ST6GALNAC3: variants seen among roughly 807,000 people sequenced by gnomAD.
ST6GALNAC3 encodes the protein alpha-N-acetylgalactosaminide alpha-2,6-sialyltransferase 3.
A neutral mutation model predicts 32.7 loss-of-function variants in ST6GALNAC3; 25 were observed. That is an observed-to-expected ratio of 0.76 (90% CI 0.56 to 1.07). The LOEUF (loss-of-function observed/expected upper bound fraction) is 1.07, where lower values mean the gene tolerates loss of function less well. Ranked by LOEUF, ST6GALNAC3 falls within the 50% of genes least tolerant of loss-of-function variation. ST6GALNAC3 has a pLI of 0.00. For synonymous variants in ST6GALNAC3, 129 were observed against 133.1 expected (o/e 0.97, Z 0.21); for missense variants, 355 against 382.4 (o/e 0.93, Z 0.60).
chr1:76,299,270 A>G (rs1660590341), intron 1 of ST6GALNAC3, among the ~76,000 whole-genome samples: 1 of 152,038 alleles, frequency 6.6e-6, no homozygotes, highest in Non-Finnish European at 1.5e-5. Context: ...CTGTGGTTAA[A>G]GCAGATGAAC....
intron 3 of ST6GALNAC3, among the ~76,000 whole-genome samples, chr1:76,532,694 G>T (rs969005849): frequency 6.6e-6 from 1 of 152,114 alleles, no homozygotes; most frequent in Non-Finnish European, 1.5e-5. Context: ...TGCCTAAAAT[G>T]ATAAATAAAA....
chr1:76,244,602 A>C (rs1657152815), intron 1 of ST6GALNAC3, among the ~76,000 whole-genome samples: 1 of 150,964 alleles, frequency 6.6e-6, no homozygotes, highest in Admixed American at 6.6e-5. Context: ...AATAGCTTTT[A>C]TTGAGATACG....
At chr1:76,478,359 T>C (rs1487067274) in intron 3 of ST6GALNAC3, among the ~76,000 whole-genome samples, 1 of 152,236 alleles carries the variant, frequency 6.6e-6, no homozygotes, top group Non-Finnish European at 1.5e-5. Context: ...GTGGACTACC[T>C]GTCCTGAACG....
At chr1:76,210,641 T>C (rs1213194519) in intron 1 of ST6GALNAC3, among the ~76,000 whole-genome samples, 2 of 152,246 alleles carry the variant, frequency 1.3e-5, no homozygotes, top group African/African-American at 4.8e-5. Flanking sequence ...TTCGCATGTT[T>C]GCTTTCTCCT....
At chr1:76,243,576 A>G (rs754577603) in intron 1 of ST6GALNAC3, among the ~76,000 whole-genome samples, 29 of 152,020 alleles carry the variant, frequency 1.9e-4, no homozygotes, top group Non-Finnish European at 4.0e-4. Flanking sequence ...TAGGTTTTTT[A>G]TGGTTTGGGG....
Position 76,356,561 on chromosome 1 carries a change from A to AG in ST6GALNAC3, c.213+42563dup, listed in dbSNP as rs574427036. ...ATTTGTTAATGTTGTTATGAGGAAAAGTAAAGGGATGAAAGGCTGCAGTGA... is the reference window on the plus strand; with the variant it reads ...ATTTGTTAATGTTGTTATGAGGAAAAGGTAAAGGGATGAAAGGCTGCAGTGA... On this transcript the variant is annotated intron_variant, in intron 2 of 4. Coordinates refer to ENST00000328299, the MANE Select transcript of ST6GALNAC3 (RefSeq NM_152996.4). Among the ~76,000 whole-genome samples, 1,035 of 152,246 alleles carry AG rather than the reference A, an allele frequency of 6.8e-3. 7 individuals are homozygous for AG. Among genetic ancestry groups the AG allele is most frequent in the African/African-American group, 0.024 (1,012 of 41,522 alleles).
chr1:76,151,133 C>T (rs556234694), intron 1 of ST6GALNAC3, among the ~76,000 whole-genome samples: 20 of 152,178 alleles, frequency 1.3e-4, no homozygotes, highest in African/African-American at 4.8e-4. Flanking sequence ...TTGGTTCTCA[C>T]GGGGAAGAGG....
At chr1:76,280,075 C>T (rs1456721556) in intron 1 of ST6GALNAC3, among the ~76,000 whole-genome samples, 1 of 152,006 alleles carries the variant, frequency 6.6e-6, no homozygotes, top group Non-Finnish European at 1.5e-5. Flanking sequence ...TTCCTTCTCC[C>T]TCCACTTCTC....
At chr1:76,386,949 C>G (rs1273118479) in intron 2 of ST6GALNAC3, among the ~76,000 whole-genome samples, 1 of 152,042 alleles carries the variant, frequency 6.6e-6, no homozygotes. Context: ...CCTCACTTAC[C>G]CATACTGGGA....
chr1:76,075,980 C>A (rs1557592698), intron 1 of ST6GALNAC3, among the ~76,000 whole-genome samples: 1 of 152,160 alleles, frequency 6.6e-6, no homozygotes, highest in Non-Finnish European at 1.5e-5. Flanking sequence ...TGCCTGGTGT[C>A]AATGATGAAA....
At chr1:76,564,575 ATTTT>A (rs200008546) in intron 3 of ST6GALNAC3, among the ~76,000 whole-genome samples, 1 of 126,268 alleles carries the variant, frequency 7.9e-6, no homozygotes, top group African/African-American at 3.2e-5. Context: ...TGAATGCAGC[ATTTT>A]TTTTTTTTTT....
chr1:76,109,221 AAG>A (rs1263980256), intron 1 of ST6GALNAC3, among the ~76,000 whole-genome samples: 1 of 152,132 alleles, frequency 6.6e-6, no homozygotes, highest in Non-Finnish European at 1.5e-5. Flanking sequence ...CAGGTTACAA[AAG>A]AGTAGATAAA....
At chr1:76,340,814 A>G (rs1292370351) in intron 2 of ST6GALNAC3, among the ~76,000 whole-genome samples, 2 of 152,050 alleles carry the variant, frequency 1.3e-5, no homozygotes, top group Non-Finnish European at 2.9e-5. Flanking sequence ...ACCTCTCAGA[A>G]TCTAGAGCTG....
At chr1:76,627,633 T>C (rs952597373) in intron 4 of ST6GALNAC3, 74 bp downstream of exon 4, 18 of 1,102,742 alleles carry the variant, frequency 1.6e-5, no homozygotes, top group Non-Finnish European at 2.5e-5. Context: ...TTCATTTTAA[T>C]ACCATAAATC....
intron 1 of ST6GALNAC3, among the ~76,000 whole-genome samples, chr1:76,207,898 T>C (rs1377320769): frequency 6.6e-6 from 1 of 152,210 alleles, no homozygotes; most frequent in Non-Finnish European, 1.5e-5. Flanking sequence ...CCAATGTGCC[T>C]AACATAAAAT....
At chr1:76,089,249 C>T (rs1647008590) in intron 1 of ST6GALNAC3, among the ~76,000 whole-genome samples, 1 of 151,984 alleles carries the variant, frequency 6.6e-6, no homozygotes, top group African/African-American at 2.4e-5. Context: ...GACGGGGTTT[C>T]ACTGTGTTAG....
intron 3 of ST6GALNAC3, among the ~76,000 whole-genome samples, chr1:76,538,351 G>T (rs529546309): frequency 2.3e-4 from 35 of 152,174 alleles, no homozygotes; most frequent in African/African-American, 7.9e-4. Flanking sequence ...AATAAACTAG[G>T]TATTGATGGA....
At chr1:76,620,861 C>T (rs893123290) in intron 3 of ST6GALNAC3, among the ~76,000 whole-genome samples, 8 of 152,138 alleles carry the variant, frequency 5.3e-5, no homozygotes, top group East Asian at 1.9e-4. Context: ...TTGCTATCAT[C>T]CTTCTGCCAT....
intron 3 of ST6GALNAC3, among the ~76,000 whole-genome samples, chr1:76,551,716 GA>G (rs1222709726): frequency 6.6e-6 from 1 of 152,068 alleles, no homozygotes; most frequent in Non-Finnish European, 1.5e-5. Context: ...TGAAATTTAC[GA>G]TACATTTTTG....
Sources: gnomAD v4.1 joint callset for allele counts (sites outside exome capture counted in the v4.1 genomes callset) on GRCh38, gnomAD v4.1.1 for gene constraint, MANE v1.5 for transcripts, NCBI Gene and HGNC (gene_info 2026-07-23, HGNC 2026-07-21) for gene names.